Variants in KIRREL3 observed in about 807,000 individuals in gnomAD.
KIRREL3 encodes kirre like nephrin family adhesion molecule 3, also known as kin of IRRE-like protein 3.
KIRREL3 carries 36 observed loss-of-function variants against 89.7 expected under a neutral mutation model. That is an observed-to-expected ratio of 0.40 (90% CI 0.31 to 0.53). The LOEUF (loss-of-function observed/expected upper bound fraction) is 0.53. KIRREL3 is among the 20% of genes least tolerant of loss of function. KIRREL3 has a pLI of 0.49. For missense variants in KIRREL3, 864 were observed against 1,056.6 expected (o/e 0.82, Z 2.53); for synonymous variants, 445 against 441.4 (o/e 1.01, Z -0.10).
rs565287138 is a variant in KIRREL3, at chr11:126,489,706, C to G, written c.434-16240G>C. 6.6e-5 allele frequency among the ~76,000 whole-genome samples: 10 copies of G among 152,144 alleles called. No individual in the cohort carries two copies. The highest frequency in any genetic ancestry group is 1.3e-4 in the Non-Finnish European group (9 of 68,024). On this transcript the variant is annotated intron_variant, in intron 4 of 16. Coordinates refer to ENST00000525144, the MANE Select transcript of KIRREL3 (RefSeq NM_032531.4). This position sits in a 1 kb window ranked among gnomAD's most constrained non-coding sequence, Gnocchi z 5.5. ...TCTCCACCTTCCACCACCCCTTTCT[C>G]AGGGGCCCATCAGCTAGGCCTAGCA...
intron 1 of KIRREL3, among the ~76,000 whole-genome samples, chr11:126,688,118 G>A (rs1946736513): frequency 2.0e-5 from 3 of 152,242 alleles, no homozygotes; most frequent in Admixed American, 2.0e-4. Flanking sequence ...ATGGATGGAG[G>A]TGGAGAGCTT....
chr11:126,857,615 A>G (rs993037084), intron 1 of KIRREL3, among the ~76,000 whole-genome samples: 1 of 151,994 alleles, frequency 6.6e-6, no homozygotes, highest in African/African-American at 2.4e-5. Context: ...TTGATCTGAG[A>G]CTGGTATTTC....
chr11:126,640,350 G>A lies in KIRREL3; in HGVS notation c.56-77438C>T, dbSNP rs969578104. Among the ~76,000 whole-genome samples, 9 of 152,004 alleles carry A rather than the reference G, an allele frequency of 5.9e-5. No homozygotes were observed. Among genetic ancestry groups the A allele is most frequent in the Non-Finnish European group, 7.4e-5 (5 of 67,982 alleles). On this transcript the variant is annotated intron_variant, in intron 1 of 16. Transcript: ENST00000525144. The surrounding 1 kb of genome is among the most constrained non-coding windows in gnomAD (Gnocchi z 4.9). ...CTGAACACAACACACACACAGACGC[G>A]CGTGTGCGCGCGCACACACACGCAC...
In KIRREL3 at chr11:126,431,309, C is replaced by T. The variant is rs1223789850; in HGVS notation, c.1696+110G>A. On this transcript the variant is annotated intron_variant, in intron 14 of 16. Coordinates refer to ENST00000525144, the MANE Select transcript of KIRREL3 (RefSeq NM_032531.4). This position sits in a 1 kb window ranked among gnomAD's most constrained non-coding sequence, Gnocchi z 7.1. ...CTCCCTGCCCCAGGAGCTCACAGCACTGTTAGGACCCCTGTTCATTGCACT... is the reference window on the plus strand; with the variant it reads ...CTCCCTGCCCCAGGAGCTCACAGCATTGTTAGGACCCCTGTTCATTGCACT... 1.9e-6 allele frequency: 3 copies of T among 1,554,318 alleles called. No homozygotes were observed. Among genetic ancestry groups the T allele is most frequent in the African/African-American group, 2.7e-5 (2 of 73,300 alleles).
chr11:126,604,559 T>G (rs753535486), intron 1 of KIRREL3, among the ~76,000 whole-genome samples: 13 of 152,358 alleles, frequency 8.5e-5, no homozygotes, highest in Middle Eastern at 3.4e-3. Flanking sequence ...ACAGTCCTTC[T>G]TGGCCACTCT....
intron 1 of KIRREL3, among the ~76,000 whole-genome samples, chr11:126,757,334 G>C (rs1021915833): frequency 6.6e-6 from 1 of 151,944 alleles, no homozygotes; most frequent in Non-Finnish European, 1.5e-5. Context: ...AAAAGAAAAA[G>C]CCAGCCCCAA....
rs1480582868 is a variant in KIRREL3 at position 126,747,065 on chromosome 11, A to G, written c.56-184153T>C. Among the ~76,000 whole-genome samples, 1 of 152,230 alleles carries G rather than the reference A, an allele frequency of 6.6e-6. No homozygotes were observed. The highest frequency in any genetic ancestry group is 2.4e-5 in the African/African-American group (1 of 41,458). ...GGCTTAAAAACCTCCAGTGGTTCTG[A>G]ACATCTTCACAAGGCATTGAAGACC... On this transcript the variant is annotated intron_variant, in intron 1 of 16. Transcript: ENST00000525144. The surrounding 1 kb of genome is among the most constrained non-coding windows in gnomAD (Gnocchi z 4.7).
intron 1 of KIRREL3, among the ~76,000 whole-genome samples, chr11:126,760,141 A>T (rs925631516): frequency 1.3e-5 from 2 of 152,180 alleles, no homozygotes; most frequent in Non-Finnish European, 2.9e-5. Context: ...TGCCAGACAT[A>T]GTTCTGGCAA....
rs1485684212 is a variant in KIRREL3 at position 126,571,813 on chromosome 11, T to C, written c.56-8901A>G. Among the ~76,000 whole-genome samples the C allele has an allele frequency of 6.6e-6, 1 of 152,128 alleles. No homozygotes were observed. Among genetic ancestry groups the C allele is most frequent in the Non-Finnish European group, 1.5e-5 (1 of 68,022 alleles). On this transcript the variant is annotated intron_variant, in intron 1 of 16. Transcript: ENST00000525144. This position sits in a 1 kb window ranked among gnomAD's most constrained non-coding sequence, Gnocchi z 7.7. The stretch of plus-strand genomic sequence containing the variant: ...GGTTAAAGAATTTTACGGGAAACAG[T>C]TTTATCCCATGTGCAAGGATGCCTC...
At chr11:126,986,799 C>T (rs562108435) in intron 1 of KIRREL3, among the ~76,000 whole-genome samples, 15 of 152,326 alleles carry the variant, frequency 9.8e-5, no homozygotes, top group Admixed American at 3.9e-4. Flanking sequence ...GCAGCTCCCA[C>T]GAGTCACCTT....
chr11:126,742,975 C>T lies in KIRREL3; in HGVS notation c.56-180063G>A, dbSNP rs1449156354. Among the ~76,000 whole-genome samples, 1 of 152,232 alleles carries T rather than the reference C, an allele frequency of 6.6e-6. No individual in the cohort carries two copies. Among genetic ancestry groups the T allele is most frequent in the Non-Finnish European group, 1.5e-5 (1 of 68,032 alleles). ...AGTTTCTAGGTCAGCTGCCCAGGGG[C>T]TGTCCCCTGCTCAGCTTATCTGAGA... On this transcript the variant is annotated intron_variant, in intron 1 of 16. Transcript: ENST00000525144. The surrounding 1 kb of genome is among the most constrained non-coding windows in gnomAD (Gnocchi z 5.3).
chr11:126,901,299 G>A (rs1163589500), intron 1 of KIRREL3, among the ~76,000 whole-genome samples: 3 of 151,546 alleles, frequency 2.0e-5, no homozygotes, highest in African/African-American at 7.3e-5. Context: ...ATTCTTTTAG[G>A]TGCTTAGCTC....
intron 1 of KIRREL3, among the ~76,000 whole-genome samples, chr11:126,600,033 A>G (rs528358371): frequency 1.3e-5 from 2 of 152,352 alleles, no homozygotes; most frequent in Admixed American, 6.5e-5. Context: ...TAGTTAAGTT[A>G]TAAAAGACTA....
chr11:126,952,151 C>T (rs895376682), intron 1 of KIRREL3, among the ~76,000 whole-genome samples: 6 of 152,238 alleles, frequency 3.9e-5, no homozygotes, highest in Admixed American at 2.6e-4. Context: ...TTTGGGAGGC[C>T]GAGGCCGGTG....
At chr11:126,500,822 C>A (rs1181231573) in intron 4 of KIRREL3, among the ~76,000 whole-genome samples, 1 of 151,854 alleles carries the variant, frequency 6.6e-6, no homozygotes, top group African/African-American at 2.4e-5. Flanking sequence ...GATACCAGAT[C>A]AGCATACTCA....
At chr11:126,440,191 G>C in intron 11 of KIRREL3, 2 of 679,100 alleles carry the variant, frequency 2.9e-6, no homozygotes, top group Non-Finnish European at 2.7e-6. Flanking sequence ...CTTAGGATGC[G>C]GAATTTGGTC....
At position 126,740,875 on chromosome 11, in the gene KIRREL3, A is replaced by C. The variant is rs1337022200; in HGVS notation, c.56-177963T>G. Among the ~76,000 whole-genome samples the C allele has an allele frequency of 6.6e-6, 1 of 152,226 alleles. No homozygotes were observed. Among genetic ancestry groups the C allele is most frequent in the East Asian group, 1.9e-4 (1 of 5,200 alleles). On this transcript the variant is annotated intron_variant, in intron 1 of 16. Transcript: ENST00000525144. The surrounding 1 kb of genome is among the most constrained non-coding windows in gnomAD (Gnocchi z 6.0). ...GGAAAAAGCCACTCACTGAGAAAGA[A>C]GATATCCATTGTTCCATGAGAGTCC... is the stretch of plus-strand genomic sequence containing the variant.
rs934079266 is a variant in KIRREL3 at position 126,771,997 on chromosome 11, C to T, written c.56-209085G>A. 7.2e-5 allele frequency among the ~76,000 whole-genome samples: 11 copies of T among 152,204 alleles called. No individual in the cohort carries two copies. The highest frequency in any genetic ancestry group is 5.9e-4 in the Admixed American group (9 of 15,286). On this transcript the variant is annotated intron_variant, in intron 1 of 16. Transcript: ENST00000525144. The surrounding 1 kb of genome is among the most constrained non-coding windows in gnomAD (Gnocchi z 4.4). ...TAAATGCCTCCTCTCCTCCTGCTTT[C>T]TGTCTGAGGTAGAGGAGAGGAGGCA...
In KIRREL3 at chr11:126,521,581, G is replaced by T. The variant is rs1958588413; in HGVS notation, c.284-117C>A. 1 of 903,026 alleles carries T rather than the reference G, an allele frequency of 1.1e-6. No individual in the cohort carries two copies. Among genetic ancestry groups the T allele is most frequent in the Non-Finnish European group, 1.7e-6 (1 of 598,790 alleles). The allele number at this position is 903,026 out of a possible 1,614,324, so 55.9% of individuals were successfully genotyped here. On this transcript the variant is annotated intron_variant, in intron 3 of 16. Coordinates refer to ENST00000525144, the MANE Select transcript of KIRREL3 (RefSeq NM_032531.4). This position sits in a 1 kb window ranked among gnomAD's most constrained non-coding sequence, Gnocchi z 4.1. ...CCATTCTACAAGGCTGGCAGAGCGG[G>T]TGATTGCTCAGGGCTCTGATCTCAG...
Sources: allele counts gnomAD v4.1 joint callset (sites outside exome capture counted in the v4.1 genomes callset), GRCh38; gene constraint gnomAD v4.1.1; non-coding constraint Gnocchi (gnomAD v3.1); transcripts MANE v1.5; gene names NCBI Gene and HGNC (gene_info 2026-07-23, HGNC 2026-07-21).